Variants in DCAF8L2 observed in about 807,000 individuals in gnomAD.
The protein encoded by DCAF8L2 is DDB1- and CUL4-associated factor 8-like protein 2.
For synonymous variants in DCAF8L2, 200 were observed against 190.9 expected, an observed-to-expected ratio of 1.05 and a Z score of -0.39; for missense variants, 430 against 490.7, an observed-to-expected ratio of 0.88 and a Z score of 1.17.
the DCAF8L2 span, among the ~76,000 whole-genome samples, chrX:27,499,590 G>T: frequency 9.9e-5 from 11 of 111,624 alleles, no homozygotes; most frequent in Non-Finnish European, 1.9e-4. Context: ...AGCATGGTTT[G>T]GGAGTCCTTA....
intron 2 of DCAF8L2, among the ~76,000 whole-genome samples, chrX:27,661,213 G>T (rs1338072498): frequency 1.8e-5 from 2 of 111,891 alleles, no homozygotes; most frequent in Non-Finnish European, 3.8e-5. Flanking sequence ...GGCATCTGTG[G>T]TAGAAATGTG....
the DCAF8L2 span, among the ~76,000 whole-genome samples, chrX:27,515,213 T>C: frequency 1.3e-4 from 15 of 112,031 alleles, no homozygotes; most frequent in African/African-American, 4.9e-4. Context: ...ATGAATATTA[T>C]CCAAAATTAG....
At chrX:27,477,427 A>G in the DCAF8L2 span, among the ~76,000 whole-genome samples, 2 of 110,750 alleles carry the variant, frequency 1.8e-5, no homozygotes, top group Non-Finnish European at 3.8e-5. Flanking sequence ...AGCTGGGACT[A>G]CAGGCGCCCA....
At chrX:27,711,335 A>C (rs1931521073) in intron 3 of DCAF8L2, among the ~76,000 whole-genome samples, 1 of 107,254 alleles carries the variant, frequency 9.3e-6, no homozygotes, top group African/African-American at 3.4e-5. Context: ...AAAGAGCAGA[A>C]TTTTCTTCTT....
intron 1 of DCAF8L2, among the ~76,000 whole-genome samples, chrX:27,626,592 A>G (rs1928018136): frequency 1.8e-5 from 2 of 112,253 alleles, no homozygotes; most frequent in Admixed American, 9.4e-5. Flanking sequence ...AAAATTACCT[A>G]AAGTATCTAA....
intron 4 of DCAF8L2, among the ~76,000 whole-genome samples, chrX:27,746,224 T>C (rs981371201): frequency 1.8e-5 from 2 of 111,413 alleles, no homozygotes; most frequent in Non-Finnish European, 3.8e-5. Flanking sequence ...ATATATCTAA[T>C]GTAACATTTG....
the DCAF8L2 span, among the ~76,000 whole-genome samples, chrX:27,584,880 G>A: frequency 0.026 from 2,900 of 111,204 alleles, 51 homozygotes; most frequent in Non-Finnish European, 0.038. Context: ...AGACATTTTT[G>A]TTTGTCACGC....
chrX:27,483,091 C>T, the DCAF8L2 span, among the ~76,000 whole-genome samples: 6 of 111,237 alleles, frequency 5.4e-5, no homozygotes, highest in Non-Finnish European at 1.1e-4. Flanking sequence ...TGCATTTACC[C>T]GAACGTCTTT....
the DCAF8L2 span, among the ~76,000 whole-genome samples, chrX:27,568,438 T>C: frequency 1.8e-5 from 2 of 111,718 alleles, no homozygotes; most frequent in Non-Finnish European, 3.8e-5. Context: ...AAATAAATAA[T>C]TTTAAAAACT....
chrX:27,471,626 C>A, the DCAF8L2 span, among the ~76,000 whole-genome samples: 65 of 111,706 alleles, frequency 5.8e-4, no homozygotes, highest in African/African-American at 2.1e-3. Context: ...CCCACAAAAT[C>A]TGAGGCAGCA....
At chrX:27,651,801 C>T (rs1273565829) in intron 2 of DCAF8L2, among the ~76,000 whole-genome samples, 1 of 110,868 alleles carries the variant, frequency 9.0e-6, no homozygotes, top group African/African-American at 3.3e-5. Flanking sequence ...TGAGCCACCA[C>T]GCCTGGCAGA....
intron 2 of DCAF8L2, among the ~76,000 whole-genome samples, chrX:27,669,867 C>G (rs1929883276): frequency 9.0e-6 from 1 of 111,673 alleles, no homozygotes; most frequent in Admixed American, 9.5e-5. Flanking sequence ...TTAATCCAGT[C>G]TATCATTGCT....
chrX:27,665,218 A>G (rs943090729), intron 2 of DCAF8L2, among the ~76,000 whole-genome samples: 1 of 110,782 alleles, frequency 9.0e-6, no homozygotes, highest in Non-Finnish European at 1.9e-5. Context: ...AAAAATATCA[A>G]TATTACCAAA....
intron 1 of DCAF8L2, among the ~76,000 whole-genome samples, chrX:27,607,494 T>C (rs184221062): frequency 9.0e-6 from 1 of 111,437 alleles, no homozygotes; most frequent in East Asian, 2.8e-4. Flanking sequence ...TTTCATAGAG[T>C]CTTCTAAGAC....
intron 2 of DCAF8L2, among the ~76,000 whole-genome samples, chrX:27,653,473 C>T (rs751965068): frequency 9.0e-6 from 1 of 110,855 alleles, no homozygotes; most frequent in African/African-American, 3.3e-5. Flanking sequence ...TAGTCACCCC[C>T]CAAGTAGCTT....
chrX:27,708,329 ATTC>A (rs1428703055), intron 3 of DCAF8L2, among the ~76,000 whole-genome samples: 1 of 111,825 alleles, frequency 8.9e-6, no homozygotes, highest in East Asian at 2.8e-4. Flanking sequence ...ACATGATTTC[ATTC>A]TTCTTAATGG....
chrX:27,618,358 G>A (rs1480336976), intron 1 of DCAF8L2, among the ~76,000 whole-genome samples: 1 of 111,047 alleles, frequency 9.0e-6, no homozygotes, highest in Non-Finnish European at 1.9e-5. Flanking sequence ...CTATTACAGT[G>A]GAAAAGAAAA....
chrX:27,624,431 G>A (rs1192683939), intron 1 of DCAF8L2, among the ~76,000 whole-genome samples: 3 of 109,397 alleles, frequency 2.7e-5, no homozygotes, highest in Non-Finnish European at 5.7e-5. Flanking sequence ...TGGCCATACC[G>A]CCCAAAGCAA....
chrX:27,554,770 C>T, the DCAF8L2 span, among the ~76,000 whole-genome samples: 1 of 111,405 alleles, frequency 9.0e-6, no homozygotes, highest in African/African-American at 3.3e-5. Flanking sequence ...TTACAGCTGC[C>T]AATCATGAGA....
Sources: gnomAD v4.1 joint callset for allele counts (sites outside exome capture counted in the v4.1 genomes callset) on GRCh38, gnomAD v4.1.1 for gene constraint, MANE v1.5 for transcripts, NCBI Gene and HGNC (gene_info 2026-07-23, HGNC 2026-07-21) for gene names.